The following ZRANB3 variants were observed in gnomAD, a reference collection of about 807,000 sequenced individuals.
ZRANB3 encodes the protein DNA annealing helicase and endonuclease ZRANB3.
In ZRANB3, 125 loss-of-function variants were observed where a neutral mutation model predicts 133.8. That is an observed-to-expected ratio of 0.93 (90% CI 0.81 to 1.08). ZRANB3 has a LOEUF of 1.08. Among genes scored for constraint, ZRANB3 ranks in the 50% least tolerant of loss-of-function variants. ZRANB3 has a pLI of 0.00. For missense variants in ZRANB3, 1,229 were observed against 1,275.5 expected (o/e 0.96, Z 0.56); for synonymous variants, 387 against 432.7 (o/e 0.89, Z 1.31).
chr2:135,469,616 T>C (rs1314763529), intron 2 of ZRANB3, among the ~76,000 whole-genome samples: 1 of 152,178 alleles, frequency 6.6e-6, no homozygotes, highest in African/African-American at 2.4e-5. Flanking sequence ...CTTTTTGTAC[T>C]GGAGGTGGAC....
intron 8 of ZRANB3, among the ~76,000 whole-genome samples, chr2:135,312,572 T>C (rs767486242): frequency 5.9e-5 from 9 of 152,084 alleles, no homozygotes; most frequent in Non-Finnish European, 8.8e-5. Context: ...AATTCTAAAA[T>C]CCTATATTTT....
intron 2 of ZRANB3, among the ~76,000 whole-genome samples, chr2:135,404,127 G>T (rs1005630793): frequency 4.6e-5 from 7 of 152,176 alleles, no homozygotes; most frequent in Admixed American, 4.6e-4. Context: ...GGTGAGAGAA[G>T]AAGGCTTCAG....
intron 1 of ZRANB3, among the ~76,000 whole-genome samples, chr2:135,528,211 C>A (rs1213410104): frequency 6.6e-6 from 1 of 151,450 alleles, no homozygotes; most frequent in Non-Finnish European, 1.5e-5. Flanking sequence ...TGCAGTGGCT[C>A]AATCACAGCT....
chr2:135,408,974 A>G (rs1018587008), intron 2 of ZRANB3, among the ~76,000 whole-genome samples: 2 of 152,048 alleles, frequency 1.3e-5, no homozygotes, highest in African/African-American at 4.8e-5. Flanking sequence ...TAGAGTATAA[A>G]AAAAAAAGAA....
At chr2:135,296,022 A>G (rs1682060127) in intron 8 of ZRANB3, among the ~76,000 whole-genome samples, 1 of 151,814 alleles carries the variant, frequency 6.6e-6, no homozygotes, top group African/African-American at 2.4e-5. Flanking sequence ...TTTTTCCTTC[A>G]TTTCAACTTT....
At chr2:135,490,593 C>T (rs566652856) in intron 2 of ZRANB3, among the ~76,000 whole-genome samples, 1 of 152,116 alleles carries the variant, frequency 6.6e-6, no homozygotes, top group East Asian at 1.9e-4. Context: ...ATGGAGATTC[C>T]TCAAGAAACT....
chr2:135,364,522 C>A (rs56011061), intron 3 of ZRANB3, among the ~76,000 whole-genome samples: 2 of 151,912 alleles, frequency 1.3e-5, no homozygotes, highest in African/African-American at 2.4e-5. Flanking sequence ...CTGAGGTGGG[C>A]GGATAACTTG....
At chr2:135,465,598 A>G (rs1302647271) in intron 2 of ZRANB3, among the ~76,000 whole-genome samples, 2 of 152,234 alleles carry the variant, frequency 1.3e-5, no homozygotes, top group Non-Finnish European at 2.9e-5. Context: ...TTCAAAAAAA[A>G]TATGAAATGT....
intron 6 of ZRANB3, among the ~76,000 whole-genome samples, chr2:135,340,298 G>T (rs1684582945): frequency 1.3e-5 from 2 of 151,654 alleles, no homozygotes; most frequent in Non-Finnish European, 2.9e-5. Flanking sequence ...TAGAGATGGG[G>T]TTTCACCATG....
At chr2:135,524,454 A>G (rs928680511) in intron 1 of ZRANB3, among the ~76,000 whole-genome samples, 10 of 152,214 alleles carry the variant, frequency 6.6e-5, no homozygotes, top group Admixed American at 2.6e-4. Context: ...GACACCCAAG[A>G]AAAATTCTGT....
chr2:135,307,497 T>C (rs764184369), intron 8 of ZRANB3, among the ~76,000 whole-genome samples: 3 of 152,252 alleles, frequency 2.0e-5, no homozygotes, highest in Non-Finnish European at 4.4e-5. Context: ...TTTTCTTGCA[T>C]GTTGTTTATC....
intron 2 of ZRANB3, among the ~76,000 whole-genome samples, chr2:135,427,933 A>G (rs996134427): frequency 1.3e-5 from 2 of 152,194 alleles, no homozygotes; most frequent in Non-Finnish European, 2.9e-5. Flanking sequence ...CAAAGTTAAC[A>G]AAAAAATAAG....
chr2:135,385,357 G>A (rs556203876), intron 3 of ZRANB3, among the ~76,000 whole-genome samples: 5 of 152,272 alleles, frequency 3.3e-5, no homozygotes, highest in Admixed American at 2.0e-4. Context: ...CAAACAAATC[G>A]AAGAACATTC....
In ZRANB3 at chr2:135,516,225, G is replaced by C. The variant is rs374991990; in HGVS notation, c.-7-11729C>G. ...TGAACACGGCACACTGATGGGTCTT[G>C]ACTCTATCCAGTTTGCCAGTCTGTG... On this transcript the variant is annotated intron_variant, in intron 1 of 20. Coordinates refer to ENST00000264159, the MANE Select transcript of ZRANB3 (RefSeq NM_032143.4). Among the ~76,000 whole-genome samples the C allele has an allele frequency of 2.6e-4, 40 of 152,132 alleles. No homozygotes were observed. In the South Asian group the frequency reaches 7.9e-3, roughly 30 times the overall value.
At chr2:135,409,133 G>A (rs1558979520) in intron 2 of ZRANB3, among the ~76,000 whole-genome samples, 1 of 152,056 alleles carries the variant, frequency 6.6e-6, no homozygotes, top group Non-Finnish European at 1.5e-5. Flanking sequence ...TGAAGGAGGA[G>A]CAGACACATC....
intron 2 of ZRANB3, among the ~76,000 whole-genome samples, chr2:135,428,757 C>T (rs1689197625): frequency 6.6e-6 from 1 of 152,180 alleles, no homozygotes; most frequent in Admixed American, 6.5e-5. Context: ...AAAAGACATA[C>T]ATAAGGCCAA....
At chr2:135,262,694 T>A (rs1680023278) in intron 12 of ZRANB3, among the ~76,000 whole-genome samples, 1 of 151,580 alleles carries the variant, frequency 6.6e-6, no homozygotes, top group African/African-American at 2.4e-5. Context: ...GATGGGAGAA[T>A]CTCCTGAGTC....
chr2:135,278,808 T>C (rs182818209), intron 8 of ZRANB3, among the ~76,000 whole-genome samples: 235 of 152,320 alleles, frequency 1.5e-3, no homozygotes, highest in African/African-American at 5.4e-3. Context: ...GTAAATGTTA[T>C]AAATATGGTT....
chr2:135,432,725 T>C (rs1219773782), intron 2 of ZRANB3, among the ~76,000 whole-genome samples: 1 of 152,138 alleles, frequency 6.6e-6, no homozygotes, highest in Non-Finnish European at 1.5e-5. Context: ...ACGTCTGAAA[T>C]GTAGGACAGT....
Sources: gnomAD v4.1 joint callset for allele counts (sites outside exome capture counted in the v4.1 genomes callset) on GRCh38, gnomAD v4.1.1 for gene constraint, MANE v1.5 for transcripts, NCBI Gene and HGNC (gene_info 2026-07-23, HGNC 2026-07-21) for gene names.